The following CSMD1 variants were observed in gnomAD, a reference collection of about 807,000 sequenced individuals.
CSMD1 encodes the protein CUB and sushi domain-containing protein 1.
Under a neutral mutation model 417.5 loss-of-function variants are expected in CSMD1, and 213 were observed. That is an observed-to-expected ratio of 0.51 (90% CI 0.46 to 0.57). The LOEUF is 0.57. CSMD1 is among the 20% of genes least tolerant of loss of function. The pLI, the probability that CSMD1 is intolerant of heterozygous loss-of-function variation, is 0.00. For missense variants in CSMD1, 6,923 were observed against 4,529.7 expected, an observed-to-expected ratio of 1.53 and a Z score of -15.17; for synonymous variants, 2,862 against 1,736.8, an observed-to-expected ratio of 1.65 and a Z score of -16.11.
At chr8:4,700,589 G>C (rs1487771350) in intron 1 of CSMD1, among the ~76,000 whole-genome samples, 1 of 152,092 alleles carries the variant, frequency 6.6e-6, no homozygotes, top group Admixed American at 6.6e-5. Flanking sequence ...GTCTCAATTA[G>C]TGAAATAATT....
In CSMD1 at chr8:3,794,257, G is replaced by A. The variant is rs573575990; in HGVS notation, c.819-40215C>T. ...GTTCTACGCAGTTGAGATGTTGATG[G>A]CCTGCAGCTACTTCCCTTAGTATTC... On this transcript the variant is annotated intron_variant, in intron 5 of 69. Coordinates refer to ENST00000635120, the MANE Select transcript of CSMD1 (RefSeq NM_033225.6). Among the ~76,000 whole-genome samples, 8 of 152,278 alleles carry A rather than the reference G, an allele frequency of 5.3e-5. No individual in the cohort carries two copies. The South Asian group carries it at 1.2e-3, about 24-fold the overall frequency.
intron 1 of CSMD1, among the ~76,000 whole-genome samples, chr8:4,933,081 C>A (rs1362663712): frequency 7.1e-6 from 1 of 140,652 alleles, no homozygotes; most frequent in Non-Finnish European, 1.7e-5. Context: ...CTTTCTTTTG[C>A]GGCTTGAAGT....
intron 10 of CSMD1, among the ~76,000 whole-genome samples, chr8:3,508,287 G>T (rs950474277): frequency 1.3e-5 from 2 of 148,148 alleles, no homozygotes; most frequent in Admixed American, 1.4e-4. Context: ...GCTCACCTGC[G>T]CCCCCTCCCC....
intron 2 of CSMD1, among the ~76,000 whole-genome samples, chr8:4,563,033 G>A (rs1265019981): frequency 6.6e-6 from 1 of 152,142 alleles, no homozygotes; most frequent in Non-Finnish European, 1.5e-5. Context: ...TTTAAACAGT[G>A]TTTTATTTGT....
chr8:3,443,840 A>T (rs1815141296), intron 12 of CSMD1, among the ~76,000 whole-genome samples: 1 of 152,192 alleles, frequency 6.6e-6, no homozygotes, highest in Admixed American at 6.5e-5. Context: ...AGCACTACTG[A>T]TGCATATGGA....
chr8:4,871,009 T>G (rs1802706954), intron 1 of CSMD1, among the ~76,000 whole-genome samples: 1 of 152,056 alleles, frequency 6.6e-6, no homozygotes, highest in Admixed American at 6.5e-5. Flanking sequence ...GGTCTGGGTG[T>G]CAGAGCTGTG....
chr8:4,160,047 G>A (rs1797060255), intron 3 of CSMD1, among the ~76,000 whole-genome samples: 1 of 151,538 alleles, frequency 6.6e-6, no homozygotes, highest in Non-Finnish European at 1.5e-5. Context: ...GAACTTTCAT[G>A]TAACCAAATA....
chr8:4,989,918 G>C (rs1811374191), intron 1 of CSMD1, among the ~76,000 whole-genome samples: 1 of 152,204 alleles, frequency 6.6e-6, no homozygotes, highest in Non-Finnish European at 1.5e-5. Context: ...ATAAACTGGA[G>C]AGTAAGGAAG....
chr8:3,375,616 A>G (rs999169973), intron 18 of CSMD1, among the ~76,000 whole-genome samples: 1 of 152,164 alleles, frequency 6.6e-6, no homozygotes, highest in African/African-American at 2.4e-5. Context: ...ACTTTCCACC[A>G]AAAGGAATCT....
chr8:3,935,802 T>C lies in CSMD1; in HGVS notation c.818+62101A>G, dbSNP rs571388478. The stretch of plus-strand genomic sequence containing the variant: ...ATTAATAAGCCTACAGTGGCCTTTA[T>C]GTGCTCAAGTGAAAGGAAGAGTCAC... On this transcript the variant is annotated intron_variant, in intron 5 of 69. Transcript: ENST00000635120. Among the ~76,000 whole-genome samples, 33 of 152,256 alleles carry C rather than the reference T, an allele frequency of 2.2e-4. No homozygotes were observed. In the South Asian group the frequency reaches 6.4e-3, roughly 30 times the overall value.
chr8:4,742,901 T>TA (rs1029426930), intron 1 of CSMD1, among the ~76,000 whole-genome samples: 18 of 152,014 alleles, frequency 1.2e-4, no homozygotes, highest in Non-Finnish European at 1.8e-4. Flanking sequence ...TCAGAACGGT[T>TA]AAAAAAAATC....
At chr8:4,291,652 G>A (rs566677033) in intron 3 of CSMD1, among the ~76,000 whole-genome samples, 1 of 152,204 alleles carries the variant, frequency 6.6e-6, no homozygotes, top group South Asian at 2.1e-4. Context: ...GCAATATGGA[G>A]AACATTTCCT....
chr8:2,972,139 T>C (rs985833094), intron 57 of CSMD1, among the ~76,000 whole-genome samples: 1 of 152,062 alleles, frequency 6.6e-6, no homozygotes, highest in Non-Finnish European at 1.5e-5. Flanking sequence ...ATAGATTATA[T>C]AATATAGATA....
intron 25 of CSMD1, among the ~76,000 whole-genome samples, chr8:3,300,956 C>CTG: frequency 3.1e-5 from 1 of 31,812 alleles, no homozygotes; most frequent in East Asian, 8.9e-4. Flanking sequence ...GAGACTCTGT[C>CTG]TCAAAAAAAA....
intron 4 of CSMD1, among the ~76,000 whole-genome samples, chr8:4,002,549 AAAAT>A (rs1470866298): frequency 6.6e-6 from 1 of 152,242 alleles, no homozygotes; most frequent in Non-Finnish European, 1.5e-5. Context: ...TCGACTGAGA[AAAAT>A]TAATTACTTA....
At chr8:3,753,094 G>A (rs1227983480) in intron 6 of CSMD1, among the ~76,000 whole-genome samples, 1 of 152,172 alleles carries the variant, frequency 6.6e-6, no homozygotes, top group African/African-American at 2.4e-5. Flanking sequence ...GGCACTGCAG[G>A]GCTTGGTGTC....
intron 5 of CSMD1, among the ~76,000 whole-genome samples, chr8:3,842,941 G>T (rs1316635933): frequency 6.6e-6 from 1 of 152,088 alleles, no homozygotes; most frequent in African/African-American, 2.4e-5. Flanking sequence ...TCCTAGAATT[G>T]AAACTACAAA....
chr8:4,762,608 G>C (rs961331855), intron 1 of CSMD1, among the ~76,000 whole-genome samples: 23 of 152,102 alleles, frequency 1.5e-4, no homozygotes, highest in South Asian at 2.1e-4. Flanking sequence ...CTGAGCCTGA[G>C]TGATGGGCCC....
In CSMD1 at chr8:3,033,066, G is replaced by C. The variant is rs111844618; in HGVS notation, c.7661-3553C>G. Among the ~76,000 whole-genome samples the C allele has an allele frequency of 2.7e-3, 405 of 151,850 alleles. 7 individuals carry two copies. The highest frequency in any genetic ancestry group is 4.3e-3 in the Non-Finnish European group (292 of 67,878). On this transcript the variant is annotated intron_variant, in intron 50 of 69. Transcript: ENST00000635120. ...ATTCAACAAATTTATTTCATTCCTTGTTCTCTTCCAACTATTAATTCTAGG... is the reference window on the plus strand; with the variant it reads ...ATTCAACAAATTTATTTCATTCCTTCTTCTCTTCCAACTATTAATTCTAGG...
Sources: gnomAD v4.1 joint callset for allele counts (sites outside exome capture counted in the v4.1 genomes callset) on GRCh38, gnomAD v4.1.1 for gene constraint, MANE v1.5 for transcripts, NCBI Gene and HGNC (gene_info 2026-07-23, HGNC 2026-07-21) for gene names.